The following FKBP5 variants were observed in gnomAD, a reference collection of about 807,000 sequenced individuals.
The protein encoded by FKBP5 is FKBP prolyl isomerase 5, also known as peptidyl-prolyl cis-trans isomerase FKBP5.
In FKBP5, 23 loss-of-function variants were observed where a neutral mutation model predicts 50.5. That is an observed-to-expected ratio of 0.46 (90% CI 0.33 to 0.65). The LOEUF is 0.65. FKBP5 is among the 30% of genes least tolerant of loss of function. The probability of loss-of-function intolerance (pLI) is 0.02; values close to 1 mark genes in which losing one functional copy is unlikely to be tolerated. For missense variants in FKBP5, 411 were observed against 553.1 expected, an observed-to-expected ratio of 0.74 and a Z score of 2.58; for synonymous variants, 176 against 190.6, an observed-to-expected ratio of 0.92 and a Z score of 0.63.
chr6:35,640,986 T>C (rs1764469374), intron 2 of FKBP5, among the ~76,000 whole-genome samples: 1 of 152,124 alleles, frequency 6.6e-6, no homozygotes, highest in Non-Finnish European at 1.5e-5. Context: ...TTTTTGTTTG[T>C]TCATTTGTTT....
chr6:35,648,603 T>C (rs1178879450), intron 1 of FKBP5, among the ~76,000 whole-genome samples: 2 of 152,094 alleles, frequency 1.3e-5, no homozygotes, highest in East Asian at 1.9e-4. Flanking sequence ...ACAACACCAT[T>C]TGGTCATCAG....
At chr6:35,728,085 C>T (rs1035703500) in intron 1 of FKBP5, among the ~76,000 whole-genome samples, 2 of 152,210 alleles carry the variant, frequency 1.3e-5, no homozygotes, top group Admixed American at 6.5e-5. Context: ...GTGTGAGCGC[C>T]TGGGCCCGCT....
chr6:35,626,318 TCTTC>T (rs1410965930), intron 3 of FKBP5, among the ~76,000 whole-genome samples: 1 of 152,214 alleles, frequency 6.6e-6, no homozygotes, highest in Non-Finnish European at 1.5e-5. Flanking sequence ...TTATACTTTT[TCTTC>T]CTTCTGTAAT....
At chr6:35,602,203 G>C (rs1260981908) in intron 5 of FKBP5, among the ~76,000 whole-genome samples, 1 of 152,110 alleles carries the variant, frequency 6.6e-6, no homozygotes, top group Non-Finnish European at 1.5e-5. Flanking sequence ...AAAATGAAAT[G>C]CAAGAACCCC....
chr6:35,581,453 G>A (rs1762428611), intron 8 of FKBP5: 1 of 321,550 alleles, frequency 3.1e-6, no homozygotes, highest in Non-Finnish European at 4.5e-6. Flanking sequence ...AGCCAGGCAT[G>A]GTGGCATATG....
At chr6:35,648,391 C>T (rs1764689345) in intron 1 of FKBP5, among the ~76,000 whole-genome samples, 1 of 151,954 alleles carries the variant, frequency 6.6e-6, no homozygotes, top group African/African-American at 2.4e-5. Context: ...CCTTCAGCCA[C>T]CCTAGTAGTT....
intron 2 of FKBP5, among the ~76,000 whole-genome samples, chr6:35,642,329 G>T (rs549698874): frequency 2.7e-4 from 41 of 152,228 alleles, no homozygotes; most frequent in African/African-American, 8.7e-4. Context: ...TGGGCACAGT[G>T]GCTCGTGCCT....
chr6:35,612,590 GAA>G (rs1763523485), intron 5 of FKBP5, among the ~76,000 whole-genome samples: 1 of 152,202 alleles, frequency 6.6e-6, no homozygotes, highest in Admixed American at 6.5e-5. Flanking sequence ...AATTTATAAA[GAA>G]AAGAGGTTTA....
chr6:35,677,286 A>G (rs1474776927), intron 1 of FKBP5, among the ~76,000 whole-genome samples: 2 of 151,986 alleles, frequency 1.3e-5, no homozygotes, highest in Non-Finnish European at 2.9e-5. Flanking sequence ...TGTTAGCCAG[A>G]GTGGTCTCGA....
At chr6:35,674,634 G>A (rs1367910085) in intron 1 of FKBP5, among the ~76,000 whole-genome samples, 2 of 152,100 alleles carry the variant, frequency 1.3e-5, no homozygotes, top group Non-Finnish European at 2.9e-5. Flanking sequence ...CAATGTTTGC[G>A]GAACCATTCT....
intron 5 of FKBP5, among the ~76,000 whole-genome samples, chr6:35,602,700 T>TGTCC (rs2150967073): frequency 6.6e-6 from 1 of 152,198 alleles, no homozygotes; most frequent in Non-Finnish European, 1.5e-5. Flanking sequence ...TCCCCTAAGC[T>TGTCC]GTCCGCCTTC....
intron 8 of FKBP5, chr6:35,582,160 T>TA: frequency 2.0e-6 from 2 of 985,258 alleles, no homozygotes; most frequent in Non-Finnish European, 2.4e-6. Flanking sequence ...GTCACTCACT[T>TA]AGGAGAGGGA....
At position 35,597,336 on chromosome 6, in the gene FKBP5, C is replaced by A; in HGVS notation, c.577G>T (p.Gly193Ter). 1.9e-6 allele frequency: 3 copies of A among 1,614,186 alleles called. No individual in the cohort carries two copies. Among genetic ancestry groups the A allele is most frequent in the Non-Finnish European group, 2.5e-6 (3 of 1,180,024 alleles). Residue 193 changes from glycine to a stop codon, truncating the protein, a stop_gained, in exon 6 of 11, where the codon GGA becomes TGA. Coordinates refer to ENST00000357266, the MANE Select transcript of FKBP5 (RefSeq NM_004117.4). LOFTEE classifies it high-confidence loss of function. ...CCAATTGGAATGTCGTGGTCTTCTC[C>A]TTCGCCCACAGTGAATGCCACATCT... is the stretch of plus-strand genomic sequence containing the variant. ...CRDVAFTVGEGEDHDIPIGID... is the reference protein window; with the variant it reads ...CRDVAFTVGE
At chr6:35,721,123 G>A (rs1009094003) in intron 1 of FKBP5, among the ~76,000 whole-genome samples, 1 of 152,024 alleles carries the variant, frequency 6.6e-6, no homozygotes, top group Non-Finnish European at 1.5e-5. Flanking sequence ...AGGCTGAGGC[G>A]GGTGGATCAC....
chr6:35,728,024 G>C (rs1766755433), intron 1 of FKBP5, among the ~76,000 whole-genome samples: 1 of 152,202 alleles, frequency 6.6e-6, no homozygotes, highest in Non-Finnish European at 1.5e-5. Context: ...CGGCGGCCGG[G>C]AGGCTGCGCG....
intron 5 of FKBP5, among the ~76,000 whole-genome samples, chr6:35,609,298 G>C (rs2150971110): frequency 6.6e-6 from 1 of 152,190 alleles, no homozygotes; most frequent in African/African-American, 2.4e-5. Flanking sequence ...ATTCCAAAAA[G>C]TTAATTTTGT....
At chr6:35,577,446 G>A (rs1762255817) in intron 9 of FKBP5, among the ~76,000 whole-genome samples, 1 of 152,110 alleles carries the variant, frequency 6.6e-6, no homozygotes, top group African/African-American at 2.4e-5. Context: ...TTTGAGAGGG[G>A]GCTCTTGAGA....
Position 35,580,115 on chromosome 6 carries a change from A to G in FKBP5, c.947T>C (p.Leu316Pro). Reference protein sequence around the residue: ...EKESKASESFLLAAFLNLAMC... With the variant: ...EKESKASESFPLAAFLNLAMC... ...GGCCAGGTTCAGAAAGGCAGCAAGG[A>G]GAAATGATTCAGAAGCTTTCGATTC... The change falls in exon 9 of 11, where the codon CTC becomes CCC. Residue 316 changes from leucine (L) to proline (P), a missense_variant. By Grantham distance (98) the Leu-to-Pro change is moderately conservative (BLOSUM62 -3). Transcript: ENST00000357266. 1.9e-6 allele frequency: 3 copies of G among 1,614,152 alleles called. No homozygotes were observed. The highest frequency in any genetic ancestry group is 2.5e-6 in the Non-Finnish European group (3 of 1,179,996).
rs539613258 is a variant in FKBP5, at chr6:35,597,795, G to A, written c.509-391C>T. ...ATCAAATATATAAACATCTGTAACT[G>A]CATCTTGGCTTCAGATGCTTGGGCC... On this transcript the variant is annotated intron_variant, in intron 5 of 10. Transcript: ENST00000357266. 5.3e-5 allele frequency among the ~76,000 whole-genome samples: 8 copies of A among 152,282 alleles called. 1 individual carries two copies. The highest frequency in any genetic ancestry group is 2.0e-4 in the Admixed American group (3 of 15,290).
Sources: gnomAD v4.1 joint callset for allele counts (sites outside exome capture counted in the v4.1 genomes callset) on GRCh38, gnomAD v4.1.1 for gene constraint, MANE v1.5 for transcripts, NCBI Gene and HGNC (gene_info 2026-07-23, HGNC 2026-07-21) for gene names.